TAFA2: variants seen among roughly 807,000 people sequenced by gnomAD.
TAFA2 encodes TAFA chemokine like family member 2.
In TAFA2, 7 loss-of-function variants were observed where a neutral mutation model predicts 18.8. The observed-to-expected ratio is 0.37, with a 90% confidence interval of 0.21 to 0.70. The LOEUF (loss-of-function observed/expected upper bound fraction) is 0.70. TAFA2 is among the 30% of genes least tolerant of loss of function. The pLI is 0.53. For missense variants in TAFA2, 122 were observed against 158.1 expected, an observed-to-expected ratio of 0.77 and a Z score of 1.23; for synonymous variants, 60 against 54.2, an observed-to-expected ratio of 1.11 and a Z score of -0.47.
intron 1 of TAFA2, among the ~76,000 whole-genome samples, chr12:62,179,256 C>T (rs2062535857): frequency 6.6e-6 from 1 of 152,074 alleles, no homozygotes; most frequent in African/African-American, 2.4e-5. Flanking sequence ...TGACACATTC[C>T]TCAACCTCAA....
chr12:62,060,668 G>A (rs181162044), intron 1 of TAFA2, among the ~76,000 whole-genome samples: 1 of 152,294 alleles, frequency 6.6e-6, no homozygotes, highest in Non-Finnish European at 1.5e-5. Context: ...TACAGGAGAT[G>A]GTAGCTTCAT....
intron 1 of TAFA2, among the ~76,000 whole-genome samples, chr12:62,177,770 C>G (rs763944690): frequency 2.0e-5 from 3 of 152,148 alleles, no homozygotes; most frequent in Non-Finnish European, 4.4e-5. Flanking sequence ...ACTCTTTTCT[C>G]TCCCACTACC....
chr12:62,155,491 A>G (rs1372478190), intron 1 of TAFA2, among the ~76,000 whole-genome samples: 1 of 152,198 alleles, frequency 6.6e-6, no homozygotes, highest in East Asian at 1.9e-4. Flanking sequence ...TAGCCAAATC[A>G]AGACTAAGCA....
At chr12:62,151,279 A>T (rs186434885) in intron 1 of TAFA2, among the ~76,000 whole-genome samples, 1 of 152,296 alleles carries the variant, frequency 6.6e-6, no homozygotes, top group African/African-American at 2.4e-5. Flanking sequence ...TCTAAGAAGC[A>T]GAATGCAGCC....
chr12:61,937,809 A>C (rs1162730561), intron 1 of TAFA2, among the ~76,000 whole-genome samples: 2 of 152,164 alleles, frequency 1.3e-5, no homozygotes, highest in Non-Finnish European at 2.9e-5. Context: ...AATAAATGGG[A>C]CCTAATTAAA....
At chr12:62,160,162 C>G (rs2062397540) in intron 1 of TAFA2, among the ~76,000 whole-genome samples, 1 of 152,308 alleles carries the variant, frequency 6.6e-6, no homozygotes, top group South Asian at 2.1e-4. Context: ...CTCCTGGGAA[C>G]CCAGCCATGC....
intron 2 of TAFA2, among the ~76,000 whole-genome samples, chr12:61,756,269 A>G (rs1869263824): frequency 6.6e-6 from 1 of 152,104 alleles, no homozygotes; most frequent in African/African-American, 2.4e-5. Flanking sequence ...AACCTTCAAG[A>G]GGCAGATACC....
Position 62,163,127 on chromosome 12 carries a change from T to C in TAFA2, c.-2+28132A>G, listed in dbSNP as rs549075290. ...TCAGGACAATAGACAGAGAACCAAA[T>C]GCCAGGATAAAGACTTTCTGCTCGA... On this transcript the variant is annotated intron_variant, in intron 1 of 4. Transcript: ENST00000416284. Among the ~76,000 whole-genome samples the C allele has an allele frequency of 1.7e-3, 255 of 152,082 alleles. 2 individuals are homozygous for C. The highest frequency in any genetic ancestry group is 5.8e-3 in the African/African-American group (242 of 41,498).
intron 1 of TAFA2, among the ~76,000 whole-genome samples, chr12:61,976,474 C>T (rs1254333704): frequency 6.6e-6 from 1 of 151,864 alleles, no homozygotes; most frequent in Non-Finnish European, 1.5e-5. Context: ...CAAACACACA[C>T]AAATCATCTA....
At chr12:61,832,092 C>T (rs1004586729) in intron 2 of TAFA2, among the ~76,000 whole-genome samples, 12 of 152,058 alleles carry the variant, frequency 7.9e-5, no homozygotes, top group Admixed American at 2.6e-4. Context: ...GATCTTGCCA[C>T]TCAATCAAGA....
At chr12:62,175,855 C>A (rs997196780) in intron 1 of TAFA2, among the ~76,000 whole-genome samples, 1 of 127,776 alleles carries the variant, frequency 7.8e-6, no homozygotes, top group African/African-American at 3.0e-5. Flanking sequence ...ATTAAGTATA[C>A]AAAGAACATA....
intron 2 of TAFA2, among the ~76,000 whole-genome samples, chr12:61,840,288 A>C (rs929791642): frequency 6.6e-6 from 1 of 152,030 alleles, no homozygotes; most frequent in African/African-American, 2.4e-5. Context: ...GACGTGCCTC[A>C]GTTCTGTATT....
At chr12:61,794,800 C>A (rs897538653) in intron 2 of TAFA2, among the ~76,000 whole-genome samples, 7 of 151,916 alleles carry the variant, frequency 4.6e-5, no homozygotes, top group African/African-American at 1.5e-4. Context: ...GCAACCCACA[C>A]AATGGGAAAA....
At chr12:62,229,817 T>G (rs2062804218) in intron 1 of TAFA2, among the ~76,000 whole-genome samples, 1 of 152,090 alleles carries the variant, frequency 6.6e-6, no homozygotes, top group Non-Finnish European at 1.5e-5. Context: ...TTTGGTAGAA[T>G]TTAGAAGTGA....
At chr12:62,145,282 G>A (rs1034490338) in intron 1 of TAFA2, among the ~76,000 whole-genome samples, 7 of 152,148 alleles carry the variant, frequency 4.6e-5, no homozygotes, top group Non-Finnish European at 7.4e-5. Flanking sequence ...GAGCAGTACC[G>A]CCTGAGCTCT....
chr12:61,733,984 TTCACA>T (rs1413130306), intron 4 of TAFA2, among the ~76,000 whole-genome samples: 2 of 148,654 alleles, frequency 1.3e-5, no homozygotes, highest in African/African-American at 2.5e-5. Context: ...GAAGAGGTCC[TTCACA>T]TCCCTTGTAA....
intron 1 of TAFA2, among the ~76,000 whole-genome samples, chr12:62,065,282 G>C (rs147630653): frequency 0.014 from 2,070 of 152,110 alleles, 24 homozygotes; most frequent in Non-Finnish European, 0.023. Flanking sequence ...AAAAACCTGA[G>C]CACAGAACAT....
At chr12:62,123,707 A>C (rs1870317044) in intron 1 of TAFA2, among the ~76,000 whole-genome samples, 1 of 148,764 alleles carries the variant, frequency 6.7e-6, no homozygotes, top group Non-Finnish European at 1.5e-5. Flanking sequence ...ACACACATAC[A>C]TTCTGAACCC....
chr12:62,149,816 A>G (rs1166230955), intron 1 of TAFA2, among the ~76,000 whole-genome samples: 4 of 152,166 alleles, frequency 2.6e-5, no homozygotes, highest in Admixed American at 2.6e-4. Context: ...ATTTAATATT[A>G]TGCCTTGGCC....
Sources: allele counts gnomAD v4.1 joint callset (sites outside exome capture counted in the v4.1 genomes callset), GRCh38; gene constraint gnomAD v4.1.1; transcripts MANE v1.5; gene names NCBI Gene and HGNC (gene_info 2026-07-23, HGNC 2026-07-21).